Variants in DLC1 observed in about 807,000 individuals in gnomAD.
DLC1 encodes DLC1 Rho GTPase activating protein.
A neutral mutation model predicts 140.3 loss-of-function variants in DLC1; 54 were observed. That is an observed-to-expected ratio of 0.38 (90% CI 0.31 to 0.48). The LOEUF is 0.48. Ranked by LOEUF, DLC1 falls within the 20% of genes least tolerant of loss-of-function variation. The pLI, the probability that DLC1 is intolerant of heterozygous loss-of-function variation, is 0.96. For missense variants in DLC1, 2,536 were observed against 1,907.0 expected, an observed-to-expected ratio of 1.33 and a Z score of -6.14; for synonymous variants, 986 against 728.1, an observed-to-expected ratio of 1.35 and a Z score of -5.70.
intron 1 of DLC1, among the ~76,000 whole-genome samples, chr8:13,543,842 G>A (rs1033694072): frequency 3.9e-5 from 6 of 152,146 alleles, no homozygotes; most frequent in South Asian, 4.2e-4. Flanking sequence ...AGACTCAGAA[G>A]AGGGGAGGGC....
intron 5 of DLC1, among the ~76,000 whole-genome samples, chr8:13,156,157 T>C (rs546782811): frequency 6.6e-6 from 1 of 152,298 alleles, no homozygotes; most frequent in South Asian, 2.1e-4. Flanking sequence ...AGATTATTAT[T>C]CTTTTCTTTT....
intron 1 of DLC1, among the ~76,000 whole-genome samples, chr8:13,529,318 A>T (rs974030787): frequency 6.6e-6 from 1 of 152,134 alleles, no homozygotes; most frequent in African/African-American, 2.4e-5. Flanking sequence ...TCACCTGATA[A>T]TTTCTATAAT....
chr8:13,499,710 A>G lies in DLC1; in HGVS notation c.362T>C (p.Leu121Pro). 1 of 1,614,140 alleles carries G rather than the reference A, an allele frequency of 6.2e-7. No homozygotes were observed. ...SDEDNNADLC[L>P]TDDKQVLNTQ... is the part of the protein sequence containing the mutation. ...ATTTAAAACCTGTTTATCATCTGTA[A>G]GGCATAAATCAGCATTGTTATCCTC... Residue 121 changes from leucine (L) to proline (P), a missense_variant, in exon 2 of 18, where the codon CTT becomes CCT. Coordinates refer to ENST00000276297, the MANE Select transcript of DLC1 (RefSeq NM_182643.3).
chr8:13,141,844 G>A lies in DLC1; in HGVS notation c.1349-26187C>T, dbSNP rs1350118931. The stretch of plus-strand genomic sequence containing the variant: ...CAGTTGAATTAAGCTGGACTTTGGG[G>A]GAACTGCAAGGCAACGAATTACACA... On this transcript the variant is annotated intron_variant, in intron 5 of 17. Transcript: ENST00000276297. Among the ~76,000 whole-genome samples the A allele has an allele frequency of 3.3e-5, 5 of 152,170 alleles. No homozygotes were observed. In the South Asian group the frequency reaches 8.3e-4, roughly 25 times the overall value.
At chr8:13,161,347 G>C (rs1333676516) in intron 5 of DLC1, among the ~76,000 whole-genome samples, 1 of 151,918 alleles carries the variant, frequency 6.6e-6, no homozygotes, top group Non-Finnish European at 1.5e-5. Flanking sequence ...GTTTTGTTTT[G>C]TTTTGTTTGA....
intron 2 of DLC1, among the ~76,000 whole-genome samples, chr8:13,492,230 G>T (rs899949687): frequency 1.3e-5 from 2 of 152,016 alleles, no homozygotes; most frequent in Admixed American, 1.3e-4. Flanking sequence ...CATAAGGCTG[G>T]CTCTGGTCAT....
intron 4 of DLC1, among the ~76,000 whole-genome samples, chr8:13,381,948 C>G (rs898066086): frequency 1.3e-5 from 2 of 151,986 alleles, no homozygotes; most frequent in African/African-American, 2.4e-5. Context: ...CAGATGGAAA[C>G]AGAGTAGTAT....
intron 5 of DLC1, among the ~76,000 whole-genome samples, chr8:13,240,614 G>T (rs951988994): frequency 6.6e-6 from 1 of 151,736 alleles, no homozygotes; most frequent in Admixed American, 6.6e-5. Flanking sequence ...TTTGATTTTT[G>T]TAGAGATGAG....
At chr8:13,280,102 A>G (rs1586062776) in intron 5 of DLC1, among the ~76,000 whole-genome samples, 1 of 146,434 alleles carries the variant, frequency 6.8e-6, no homozygotes, top group Admixed American at 6.9e-5. Context: ...ACACAGTGAA[A>G]CCCCCGTCTC....
At chr8:13,332,184 T>G (rs1454473239) in intron 4 of DLC1, among the ~76,000 whole-genome samples, 3 of 152,204 alleles carry the variant, frequency 2.0e-5, no homozygotes, top group Non-Finnish European at 4.4e-5. Flanking sequence ...TCAACCATTT[T>G]TGAAAATCAT....
At chr8:13,435,761 CTG>C (rs1839093086) in intron 2 of DLC1, among the ~76,000 whole-genome samples, 2 of 152,294 alleles carry the variant, frequency 1.3e-5, no homozygotes, top group East Asian at 1.9e-4. Context: ...GGAGAATTGA[CTG>C]TAATTCTGAA....
At position 13,316,889 on chromosome 8, in the gene DLC1, T is replaced by C. The variant is rs557534332; in HGVS notation, c.1315-11587A>G. ...ACTAATCCCTTCTCAAATAATCTTA[T>C]GTTAAGGGTTTCTTGTATTTTCTAT... On this transcript the variant is annotated intron_variant, in intron 4 of 17. Coordinates refer to ENST00000276297, the MANE Select transcript of DLC1 (RefSeq NM_182643.3). 1.4e-4 allele frequency among the ~76,000 whole-genome samples: 21 copies of C among 152,294 alleles called. No individual in the cohort carries two copies. In the East Asian group the frequency reaches 3.3e-3, roughly 24 times the overall value.
intron 5 of DLC1, among the ~76,000 whole-genome samples, chr8:13,131,963 G>A (rs184543251): frequency 2.0e-5 from 3 of 152,232 alleles, no homozygotes; most frequent in African/African-American, 7.2e-5. Context: ...ACCTCCTTCG[G>A]AGGGATCAAA....
intron 5 of DLC1, among the ~76,000 whole-genome samples, chr8:13,122,314 C>T (rs1821158574): frequency 6.6e-6 from 1 of 152,198 alleles, no homozygotes; most frequent in East Asian, 1.9e-4. Flanking sequence ...TCCAGGCTTT[C>T]CAAACTCCTT....
Position 13,299,181 on chromosome 8 carries a change from G to T in DLC1, c.1348+6088C>A, listed in dbSNP as rs186272006. On this transcript the variant is annotated intron_variant, in intron 5 of 17. Transcript: ENST00000276297. ...AATGTGGATGGGTGGGGTGGCTCAT[G>T]CCTGTAATCCCAGCACTTTGGGAGG... Among the ~76,000 whole-genome samples, 411 of 152,022 alleles carry T rather than the reference G, an allele frequency of 2.7e-3. 2 individuals are homozygous for T. Among genetic ancestry groups the T allele is most frequent in the African/African-American group, 9.5e-3 (396 of 41,468 alleles).
intron 12 of DLC1, 104 bp from the exon 13 acceptor site, chr8:13,092,929 C>A (rs536781142): frequency 7.9e-7 from 1 of 1,268,902 alleles, no homozygotes; most frequent in South Asian, 1.4e-5. Flanking sequence ...CAGCCCAGTA[C>A]TGAACAAGCA....
intron 2 of DLC1, among the ~76,000 whole-genome samples, chr8:13,452,742 C>T (rs1277605068): frequency 6.6e-6 from 1 of 151,932 alleles, no homozygotes; most frequent in Non-Finnish European, 1.5e-5. Context: ...ATGCTGATCT[C>T]ACTTGATGAA....
intron 4 of DLC1, among the ~76,000 whole-genome samples, chr8:13,323,426 A>G (rs979265751): frequency 6.6e-6 from 1 of 152,204 alleles, no homozygotes; most frequent in African/African-American, 2.4e-5. Context: ...GTTACATTAC[A>G]GTTTCTTTCA....
chr8:13,106,119 G>A (rs57501450), intron 7 of DLC1, among the ~76,000 whole-genome samples: 7,061 of 152,210 alleles, frequency 0.046, 466 homozygotes, highest in African/African-American at 0.14. Context: ...TGGCCTATCA[G>A]AGGTTCAAGA....
Sources: allele counts gnomAD v4.1 joint callset (sites outside exome capture counted in the v4.1 genomes callset), GRCh38; gene constraint gnomAD v4.1.1; transcripts MANE v1.5; gene names NCBI Gene and HGNC (gene_info 2026-07-23, HGNC 2026-07-21).